EIF4G3: variants seen among roughly 807,000 people sequenced by gnomAD.
EIF4G3 encodes the protein eIF-4-gamma 3.
A neutral mutation model predicts 186.4 loss-of-function variants in EIF4G3; 34 were observed. The observed-to-expected ratio is 0.18, with a 90% CI of 0.14 to 0.24. The LOEUF (loss-of-function observed/expected upper bound fraction) is 0.24. Among genes scored for constraint, EIF4G3 ranks in the 10% least tolerant of loss-of-function variants. EIF4G3 has a pLI of 1.00. For missense variants in EIF4G3, 1,536 were observed against 1,948.5 expected, an observed-to-expected ratio of 0.79 and a Z score of 3.99; for synonymous variants, 673 against 679.5, an observed-to-expected ratio of 0.99 and a Z score of 0.15.
intron 14 of EIF4G3, among the ~76,000 whole-genome samples, chr1:20,934,595 A>C (rs10916907): frequency 0.44 from 66,295 of 151,796 alleles, 14,828 homozygotes; most frequent in Non-Finnish European, 0.47. Flanking sequence ...GGGCAGAGTA[A>C]AGGATTTTCA....
At chr1:21,062,204 G>A (rs564167607) in intron 3 of EIF4G3, among the ~76,000 whole-genome samples, 1 of 151,654 alleles carries the variant, frequency 6.6e-6, no homozygotes, top group Non-Finnish European at 1.5e-5. Context: ...AACTACATGT[G>A]TGTGCCACTA....
At chr1:21,134,481 C>T (rs1300197193) in intron 2 of EIF4G3, among the ~76,000 whole-genome samples, 7 of 152,100 alleles carry the variant, frequency 4.6e-5, no homozygotes, top group Non-Finnish European at 1.0e-4. Context: ...CCAGCCTAGC[C>T]AACATGGTGA....
intron 3 of EIF4G3, among the ~76,000 whole-genome samples, chr1:21,063,898 T>C (rs1280090290): frequency 2.0e-5 from 3 of 149,194 alleles, no homozygotes; most frequent in Non-Finnish European, 3.0e-5. Flanking sequence ...TTTTTTGGTA[T>C]TTTTATCACA....
intron 19 of EIF4G3, 81 bp downstream of exon 19, chr1:20,886,120 A>G (rs889189612): frequency 2.1e-6 from 3 of 1,452,416 alleles, no homozygotes; most frequent in African/African-American, 1.4e-5. Flanking sequence ...GATTATCTCT[A>G]GAAACATTAG....
At chr1:20,986,002 C>G (rs971775499) in intron 7 of EIF4G3, among the ~76,000 whole-genome samples, 24 of 152,154 alleles carry the variant, frequency 1.6e-4, no homozygotes, top group Admixed American at 1.4e-3. Context: ...AGCAACAGAC[C>G]ACTAAGTTAT....
At chr1:21,125,767 TATATACAC>T (rs1183876631) in intron 2 of EIF4G3, among the ~76,000 whole-genome samples, 4 of 120,758 alleles carry the variant, frequency 3.3e-5, no homozygotes, top group African/African-American at 1.3e-4. Flanking sequence ...TTTTTATATA[TATATACAC>T]ACACACACAC....
intron 29 of EIF4G3, among the ~76,000 whole-genome samples, chr1:20,847,098 A>G (rs2071375758): frequency 6.6e-6 from 1 of 152,218 alleles, no homozygotes; most frequent in Non-Finnish European, 1.5e-5. Flanking sequence ...TGAATCCTCA[A>G]TCTGGCACTT....
intron 13 of EIF4G3, among the ~76,000 whole-genome samples, chr1:20,946,820 G>C (rs957705384): frequency 6.6e-6 from 1 of 151,962 alleles, no homozygotes; most frequent in Non-Finnish European, 1.5e-5. Context: ...GGAGGAAAGG[G>C]GAGGCTTATG....
intron 2 of EIF4G3, among the ~76,000 whole-genome samples, chr1:21,123,380 C>A (rs142813869): frequency 6.6e-6 from 1 of 151,750 alleles, no homozygotes; most frequent in African/African-American, 2.4e-5. Context: ...CTGTCCAACA[C>A]GGCAAAACCC....
At position 20,942,324 on chromosome 1, in the gene EIF4G3, T is replaced by C; in HGVS notation, c.830A>G (p.Lys277Arg). Residue 277 changes from lysine to arginine, a missense_variant, in exon 14 of 37, where the codon AAG becomes AGG. Transcript: ENST00000602326. ...TAASDQKQEE[K>R]PKPDPVLKSP... ...CTTTAACACTGGATCTGGTTTTGGC[T>C]TCTCCTCTGGGGAAAAAAAAATAAG... 1.9e-6 allele frequency: 3 copies of C among 1,567,658 alleles called. No individual in the cohort carries two copies. The highest frequency in any genetic ancestry group is 2.6e-6 in the Non-Finnish European group (3 of 1,161,926).
intron 30 of EIF4G3, among the ~76,000 whole-genome samples, chr1:20,829,658 G>A (rs1323701123): frequency 6.6e-6 from 1 of 152,164 alleles, no homozygotes; most frequent in Admixed American, 6.5e-5. Context: ...ATTCACCACA[G>A]TTGAATATCA....
At chr1:20,945,865 C>A (rs2095922279) in intron 13 of EIF4G3, among the ~76,000 whole-genome samples, 1 of 152,132 alleles carries the variant, frequency 6.6e-6, no homozygotes, top group Non-Finnish European at 1.5e-5. Context: ...TAAAAAAATG[C>A]TTAGTACTAA....
intron 27 of EIF4G3, 133 bp downstream of exon 27, chr1:20,853,427 G>A (rs1023493383): frequency 1.7e-6 from 1 of 583,712 alleles, no homozygotes; most frequent in South Asian, 2.2e-5. Flanking sequence ...AGTGTGTGAA[G>A]ATTAAAGAAA....
intron 14 of EIF4G3, among the ~76,000 whole-genome samples, chr1:20,907,855 C>T (rs2092515430): frequency 6.6e-6 from 1 of 152,146 alleles, no homozygotes; most frequent in Non-Finnish European, 1.5e-5. Context: ...TATAAACATA[C>T]ATGTGCATGT....
At chr1:20,996,925 T>C (rs1336171946) in intron 7 of EIF4G3, among the ~76,000 whole-genome samples, 1 of 152,164 alleles carries the variant, frequency 6.6e-6, no homozygotes, top group East Asian at 1.9e-4. Flanking sequence ...AGTCCTTCTG[T>C]CTTGCCACCT....
chr1:21,036,279 C>T (rs1000145874), intron 4 of EIF4G3, among the ~76,000 whole-genome samples: 2 of 152,124 alleles, frequency 1.3e-5, no homozygotes, highest in African/African-American at 4.8e-5. Flanking sequence ...AGGAACTGCC[C>T]ACTGCAGGTC....
At chr1:21,162,222 G>A (rs532837740) in intron 2 of EIF4G3, 3 of 151,984 alleles carry the variant, frequency 2.0e-5, no homozygotes, top group Admixed American at 6.6e-5. Flanking sequence ...ATCCAAAGCA[G>A]GCAGAATCAC....
At chr1:21,131,369 T>G (rs1401869538) in intron 2 of EIF4G3, among the ~76,000 whole-genome samples, 1 of 128,274 alleles carries the variant, frequency 7.8e-6, no homozygotes, top group Admixed American at 8.0e-5. Flanking sequence ...TCAAATGGTA[T>G]AATATATGTA....
In EIF4G3 at chr1:20,997,741, A is replaced by C. The variant is rs1211212460; in HGVS notation, c.145-108T>G. ...ATATGCCAAAAGAAAAAAAACCCAC[A>C]GTGGGGAAATAAAAAACAACACACA... On this transcript the variant is annotated intron_variant, in intron 6 of 36. Coordinates refer to ENST00000602326, the MANE Select transcript of EIF4G3 (RefSeq NM_001391906.1). The C allele has an allele frequency of 4.9e-6, 4 of 811,782 alleles. No individual in the cohort carries two copies. In the South Asian group the frequency reaches 5.8e-5, roughly 12 times the overall value. 50.3% of individuals were successfully genotyped at this position (811,782 alleles called of 1,614,324 possible).
Sources: gnomAD v4.1 joint callset for allele counts (sites outside exome capture counted in the v4.1 genomes callset) on GRCh38, gnomAD v4.1.1 for gene constraint, MANE v1.5 for transcripts, NCBI Gene and HGNC (gene_info 2026-07-23, HGNC 2026-07-21) for gene names.